Variants in MALRD1 observed in about 807,000 individuals in gnomAD.
The protein encoded by MALRD1 is MAM and LDL-receptor class A domain-containing protein 1.
A neutral mutation model predicts 242.1 loss-of-function variants in MALRD1; 247 were observed. The observed-to-expected ratio is 1.02, with a 90% confidence interval of 0.92 to 1.13. MALRD1 has a LOEUF of 1.13. MALRD1 is among the 50% of genes most tolerant of loss of function. The probability of loss-of-function intolerance (pLI) is 0.00; values close to 1 mark genes in which losing one functional copy is unlikely to be tolerated. For synonymous variants in MALRD1, 995 were observed against 866.6 expected, an observed-to-expected ratio of 1.15 and a Z score of -2.60; for missense variants, 2,989 against 2,533.1, an observed-to-expected ratio of 1.18 and a Z score of -3.86.
intron 18 of MALRD1, among the ~76,000 whole-genome samples, chr10:19,249,396 A>G (rs2131778360): frequency 6.6e-6 from 1 of 152,048 alleles, no homozygotes; most frequent in African/African-American, 2.4e-5. Context: ...TAGCGTAATC[A>G]GTATCTTTGG....
At chr10:19,181,704 A>G (rs1285405997) in intron 14 of MALRD1, among the ~76,000 whole-genome samples, 1 of 151,936 alleles carries the variant, frequency 6.6e-6, no homozygotes, top group African/African-American at 2.4e-5. Context: ...AGATTTGATA[A>G]ATGAGTAAGT....
intron 36 of MALRD1, among the ~76,000 whole-genome samples, chr10:19,632,031 A>G (rs543392699): frequency 7.2e-5 from 11 of 152,290 alleles, no homozygotes; most frequent in Middle Eastern, 3.4e-3. Context: ...TTCAAGCCAG[A>G]TGGCCCAAAT....
At chr10:19,606,983 T>C (rs890310971) in intron 34 of MALRD1, among the ~76,000 whole-genome samples, 1 of 152,158 alleles carries the variant, frequency 6.6e-6, no homozygotes, top group Non-Finnish European at 1.5e-5. Context: ...TATAATTAAA[T>C]TAATCACGTT....
chr10:19,207,574 C>T (rs1039700432), intron 17 of MALRD1, among the ~76,000 whole-genome samples: 5 of 152,164 alleles, frequency 3.3e-5, no homozygotes, highest in Non-Finnish European at 5.9e-5. Flanking sequence ...GATCTCTGCT[C>T]ACTGCAACCT....
At chr10:19,493,411 G>T (rs1837574841) in intron 30 of MALRD1, 1 of 152,026 alleles carries the variant, frequency 6.6e-6, no homozygotes, top group Non-Finnish European at 1.5e-5. Context: ...TAGAATTATA[G>T]TATTAATTTT....
chr10:19,185,965 G>C (rs749441640), intron 14 of MALRD1, among the ~76,000 whole-genome samples: 19 of 152,038 alleles, frequency 1.2e-4, no homozygotes, highest in Non-Finnish European at 2.1e-4. Flanking sequence ...TTTCTATGAT[G>C]TGTCTCTCTG....
chr10:19,215,383 C>G (rs1238108202), intron 18 of MALRD1, among the ~76,000 whole-genome samples: 21 of 152,138 alleles, frequency 1.4e-4, no homozygotes, highest in Admixed American at 1.4e-3. Context: ...ATTATCAGTC[C>G]TCTTCAATTA....
At chr10:19,160,509 A>G (rs1336986751) in intron 12 of MALRD1, among the ~76,000 whole-genome samples, 128 of 34,098 alleles carry the variant, frequency 3.8e-3, no homozygotes, top group African/African-American at 0.015. Context: ...CTCTTTTTCT[A>G]TTGATTGGAA....
chr10:19,308,326 T>C (rs12267841), intron 21 of MALRD1, among the ~76,000 whole-genome samples: 2,101 of 151,600 alleles, frequency 0.014, 42 homozygotes, highest in African/African-American at 0.048. Context: ...CGGCTTTGCA[T>C]TGGGAACATT....
At chr10:19,160,066 A>G (rs1242539673) in intron 12 of MALRD1, among the ~76,000 whole-genome samples, 3 of 152,202 alleles carry the variant, frequency 2.0e-5, no homozygotes, top group Non-Finnish European at 4.4e-5. Context: ...TAGTCATACT[A>G]TATATAAAAT....
intron 26 of MALRD1, among the ~76,000 whole-genome samples, chr10:19,384,658 T>C (rs1846001327): frequency 7.4e-6 from 1 of 134,728 alleles, no homozygotes; most frequent in African/African-American, 2.7e-5. Flanking sequence ...TATAATATAA[T>C]ATTTACTATA....
chr10:19,061,676 AC>A (rs1443313711), intron 1 of MALRD1, among the ~76,000 whole-genome samples: 1 of 152,156 alleles, frequency 6.6e-6, no homozygotes, highest in African/African-American at 2.4e-5. Context: ...GGGACCCAAG[AC>A]CAATGGGGAA....
chr10:19,487,327 ATTC>A (rs1315110205), intron 29 of MALRD1, among the ~76,000 whole-genome samples: 1 of 150,042 alleles, frequency 6.7e-6, no homozygotes, highest in East Asian at 2.0e-4. Context: ...AATTTGCTGT[ATTC>A]TTAAAAAATA....
At chr10:19,609,337 G>A (rs1838780514) in intron 35 of MALRD1, among the ~76,000 whole-genome samples, 1 of 151,960 alleles carries the variant, frequency 6.6e-6, no homozygotes, top group Non-Finnish European at 1.5e-5. Flanking sequence ...ATTATATTAT[G>A]TTTTATCTAT....
At chr10:19,520,114 A>G (rs1381451487) in intron 31 of MALRD1, among the ~76,000 whole-genome samples, 4 of 152,126 alleles carry the variant, frequency 2.6e-5, no homozygotes, top group Non-Finnish European at 5.9e-5. Flanking sequence ...CGGAAGAGGA[A>G]ATTGATGCAC....
chr10:19,721,579 C>T (rs1834756599), intron 38 of MALRD1: 1 of 152,100 alleles, frequency 6.6e-6, no homozygotes, highest in Admixed American at 6.5e-5. Context: ...ACTTCACAAC[C>T]TGAAAATTCA....
rs56736193 is a variant in MALRD1 at position 19,415,535 on chromosome 10, C to A, written c.4845+25926C>A. Reference sequence around the variant, plus strand: ...AACTTGGTAAATGACAACCAATGTACTATTTCTGCATGTAGATCAAGCAGG... The same window carrying A: ...AACTTGGTAAATGACAACCAATGTAATATTTCTGCATGTAGATCAAGCAGG... On this transcript the variant is annotated intron_variant, in intron 28 of 39. Transcript: ENST00000454679. Among the ~76,000 whole-genome samples, 1,404 of 152,098 alleles carry A rather than the reference C, an allele frequency of 9.2e-3. 24 individuals carry two copies. The highest frequency in any genetic ancestry group is 0.032 in the African/African-American group (1,342 of 41,506).
At chr10:19,063,150 C>G (rs551925920) in intron 1 of MALRD1, among the ~76,000 whole-genome samples, 5 of 150,874 alleles carry the variant, frequency 3.3e-5, no homozygotes, top group African/African-American at 1.2e-4. Context: ...TGTCCCCCCC[C>G]CAAAAAAAAA....
intron 24 of MALRD1, among the ~76,000 whole-genome samples, chr10:19,335,400 T>A (rs1221812912): frequency 1.3e-5 from 2 of 152,064 alleles, no homozygotes; most frequent in East Asian, 1.9e-4. Flanking sequence ...AATTTTTTTT[T>A]AAAAGTTCAA....
Sources: gnomAD v4.1 joint callset for allele counts (sites outside exome capture counted in the v4.1 genomes callset) on GRCh38, gnomAD v4.1.1 for gene constraint, MANE v1.5 for transcripts, NCBI Gene and HGNC (gene_info 2026-07-23, HGNC 2026-07-21) for gene names.